HNRNPR: variants seen among roughly 807,000 people sequenced by gnomAD.
The protein encoded by HNRNPR is heterogeneous nuclear ribonucleoprotein R.
Under a neutral mutation model 70.3 loss-of-function variants are expected in HNRNPR, and 4 were observed. The ratio of observed to expected loss-of-function variants is 0.06; its 90% confidence interval spans 0.03 to 0.13. The LOEUF is 0.13. HNRNPR is among the 10% of genes least tolerant of loss of function. The pLI is 1.00. For missense variants in HNRNPR, 423 were observed against 788.5 expected (o/e 0.54, Z 5.55); for synonymous variants, 241 against 267.6 (o/e 0.90, Z 0.97).
intron 9 of HNRNPR, chr1:23,311,552 G>A (rs1039149144): frequency 1.4e-5 from 5 of 356,082 alleles, no homozygotes; most frequent in South Asian, 3.9e-5. Context: ...GAACAAAACC[G>A]ACCACCTGAT....
chr1:23,318,343 T>A lies in HNRNPR; in HGVS notation c.1017+140A>T. On this transcript the variant is annotated intron_variant, in intron 8 of 10. Transcript: ENST00000302271. The surrounding 1 kb of genome is among the most constrained non-coding windows in gnomAD (Gnocchi z 4.2). The stretch of plus-strand genomic sequence containing the variant: ...TACCAAGACAGGCTGTTAACTTTAG[T>A]GTTAAAGCCGCTCCTTGCCAAACAG... The A allele has an allele frequency of 1.5e-6, 1 of 661,952 alleles. No homozygotes were observed. Among genetic ancestry groups the A allele is most frequent in the Non-Finnish European group, 2.6e-6 (1 of 387,664 alleles). The allele number at this position is 661,952 out of a possible 1,614,324, so 41.0% of individuals were successfully genotyped here.
chr1:23,329,154 T>C (rs1646118103), intron 5 of HNRNPR, among the ~76,000 whole-genome samples: 1 of 151,986 alleles, frequency 6.6e-6, no homozygotes, highest in Admixed American at 6.6e-5. Flanking sequence ...CATCAACAAA[T>C]CTGTGGCCAA....
chr1:23,330,241 T>A (rs1646160144), intron 5 of HNRNPR, among the ~76,000 whole-genome samples: 4 of 151,804 alleles, frequency 2.6e-5, no homozygotes, highest in Admixed American at 1.3e-4. Flanking sequence ...TGGAAACGAG[T>A]ACAAACAGAA....
In HNRNPR at chr1:23,308,050, T is replaced by C. The variant is rs1447683876; in HGVS notation, c.*2404A>G. The C allele has an allele frequency of 6.6e-6, 1 of 152,074 alleles. No individual in the cohort carries two copies. The highest frequency in any genetic ancestry group is 1.5e-5 in the Non-Finnish European group (1 of 67,930). 9.4% of individuals were successfully genotyped at this position (152,074 alleles called of 1,614,324 possible). ...TTTTCTCTGAATGCTGCTACAGTGTTAATTTACAAGACATGAAAGAAGAAA... is the reference window on the plus strand; with the variant it reads ...TTTTCTCTGAATGCTGCTACAGTGTCAATTTACAAGACATGAAAGAAGAAA... On this transcript the variant is annotated 3_prime_UTR_variant, in exon 11 of 11. Transcript: ENST00000302271.
In HNRNPR at chr1:23,318,763, A is replaced by G. The variant is rs1166193806; in HGVS notation, c.812-75T>C. 11 of 1,437,108 alleles carry G rather than the reference A, an allele frequency of 7.7e-6. No individual in the cohort carries two copies. The highest frequency in any genetic ancestry group is 1.8e-4 in the Middle Eastern group (1 of 5,688). 89.0% of individuals were successfully genotyped at this position (1,437,108 alleles called of 1,614,324 possible). A position where few individuals can be genotyped will look rare whatever the true frequency, so the allele number is the denominator to read the frequency against. On this transcript the variant is annotated intron_variant, in intron 7 of 10. Transcript: ENST00000302271. The surrounding 1 kb of genome is among the most constrained non-coding windows in gnomAD (Gnocchi z 4.2). Reference sequence around the variant, plus strand: ...CTAGCGATTAGGCAGACCTAAATCCACTTGACGATGAGCAAAATATAAGTG... The same window carrying G: ...CTAGCGATTAGGCAGACCTAAATCCGCTTGACGATGAGCAAAATATAAGTG...
chr1:23,323,504 G>A (rs1645837619), intron 6 of HNRNPR, 52 bp downstream of exon 6: 1 of 1,485,370 alleles, frequency 6.7e-7, no homozygotes, highest in African/African-American at 1.4e-5. Context: ...TTGAATTAAA[G>A]TTTATTTCCT....
chr1:23,321,200 GGA>G (rs1195325978), intron 7 of HNRNPR, among the ~76,000 whole-genome samples: 1 of 143,110 alleles, frequency 7.0e-6, no homozygotes, highest in African/African-American at 2.7e-5. Context: ...AAGGCAGCAG[GGA>G]GAGAGTAAAA....
At chr1:23,337,180 A>T (rs962538403) in intron 4 of HNRNPR, among the ~76,000 whole-genome samples, 3 of 152,358 alleles carry the variant, frequency 2.0e-5, no homozygotes, top group Middle Eastern at 3.4e-3. Context: ...ACATTACTGG[A>T]TCAATCCAAG....
intron 9 of HNRNPR, among the ~76,000 whole-genome samples, chr1:23,312,724 A>C (rs909194355): frequency 1.3e-5 from 2 of 152,200 alleles, no homozygotes; most frequent in African/African-American, 4.8e-5. Flanking sequence ...AAACAAAACC[A>C]AAAAATGCTC....
At position 23,305,344 on chromosome 1, in the gene HNRNPR, A is replaced by G. The variant is rs1645187855; in HGVS notation, c.*5110T>C. On this transcript the variant is annotated 3_prime_UTR_variant, in exon 11 of 11. Coordinates refer to ENST00000302271, the MANE Select transcript of HNRNPR (RefSeq NM_005826.5). Reference sequence around the variant, plus strand: ...ACCTTAACACAACCCTGCAATCACTACAATTCTTAAAAGTATTACATAATT... The same window carrying G: ...ACCTTAACACAACCCTGCAATCACTGCAATTCTTAAAAGTATTACATAATT... 6.6e-6 allele frequency: 1 copy of G among 152,168 alleles called. No homozygotes were observed. The allele number at this position is 152,168 out of a possible 1,614,324, so 9.4% of individuals were successfully genotyped here. A position where few individuals can be genotyped will look rare whatever the true frequency, so the allele number is the denominator to read the frequency against.
intron 6 of HNRNPR, among the ~76,000 whole-genome samples, chr1:23,322,017 A>G (rs1156618130): frequency 6.6e-6 from 1 of 152,204 alleles, no homozygotes; most frequent in Non-Finnish European, 1.5e-5. Flanking sequence ...ATGTAATTGC[A>G]TATAGGTAAG....
At position 23,333,809 on chromosome 1, in the gene HNRNPR, T is replaced by C. The variant is rs188744168; in HGVS notation, c.385-178A>G. 3.9e-4 allele frequency among the ~76,000 whole-genome samples: 60 copies of C among 152,336 alleles called. 1 individual carries two copies. The East Asian group carries it at 0.011, about 27-fold the overall frequency. ...CATACATGTTTCTACTGGTGAGTCTTTTCAAATAAAATGTTCTCTATCCTT... is the reference window on the plus strand; with the variant it reads ...CATACATGTTTCTACTGGTGAGTCTCTTCAAATAAAATGTTCTCTATCCTT... On this transcript the variant is annotated intron_variant, in intron 4 of 10. Transcript: ENST00000302271.
chr1:23,324,858 T>C (rs1645901721), intron 5 of HNRNPR, among the ~76,000 whole-genome samples: 1 of 151,936 alleles, frequency 6.6e-6, no homozygotes, highest in African/African-American at 2.4e-5. Context: ...TGTTTTATGT[T>C]GGCCGGGCGC....
At chr1:23,321,774 T>C (rs936404661) in intron 6 of HNRNPR, 111 bp from the exon 7 acceptor site, 2 of 976,680 alleles carry the variant, frequency 2.0e-6, no homozygotes, top group African/African-American at 1.6e-5. Context: ...CTTCATCAAC[T>C]CACCAAGTTC....
rs1342152791 is a variant in HNRNPR at position 23,310,705 on chromosome 1, GAGC to G, written c.1648_1650del (p.Ala550del). 6.2e-7 allele frequency: 1 copy of G among 1,613,186 alleles called. No individual in the cohort carries two copies. Among genetic ancestry groups the G allele is most frequent in the Non-Finnish European group, 8.5e-7 (1 of 1,179,688 alleles). On this transcript the variant is annotated inframe_deletion, in exon 11 of 11. Transcript: ENST00000302271. The surrounding 1 kb of genome is among the most constrained non-coding windows in gnomAD (Gnocchi z 6.0). Reference sequence around the variant, plus strand: ...CGGGAACCACGGCCTCTCTGCTGTTGAGCAGGACCCCCTCTGCCACCCCTAGAG... The same window carrying G: ...CGGGAACCACGGCCTCTCTGCTGTTGAGGACCCCCTCTGCCACCCCTAGAG...
intron 7 of HNRNPR, among the ~76,000 whole-genome samples, chr1:23,320,323 G>C (rs562948257): frequency 6.6e-6 from 1 of 152,176 alleles, no homozygotes; most frequent in Non-Finnish European, 1.5e-5. Flanking sequence ...AAAGTGGGAC[G>C]CTAGAAATCA....
chr1:23,328,766 T>G (rs1037236757), intron 5 of HNRNPR, among the ~76,000 whole-genome samples: 5 of 152,146 alleles, frequency 3.3e-5, no homozygotes, highest in Admixed American at 1.3e-4. Context: ...TTCCAAAGTT[T>G]TGGGATTACA....
At chr1:23,334,474 G>A (rs1182931200) in intron 4 of HNRNPR, among the ~76,000 whole-genome samples, 1 of 152,032 alleles carries the variant, frequency 6.6e-6, no homozygotes, top group Non-Finnish European at 1.5e-5. Flanking sequence ...CTGATCTCGT[G>A]ATCCACCCGA....
intron 7 of HNRNPR, among the ~76,000 whole-genome samples, chr1:23,319,581 ACC>A (rs1448415979): frequency 2.0e-5 from 3 of 151,850 alleles, no homozygotes; most frequent in Non-Finnish European, 2.9e-5. Context: ...TTCCACTCAC[ACC>A]CCTTCTCTCC....
Sources: allele counts gnomAD v4.1 joint callset (sites outside exome capture counted in the v4.1 genomes callset), GRCh38; gene constraint gnomAD v4.1.1; non-coding constraint Gnocchi (gnomAD v3.1); transcripts MANE v1.5; gene names NCBI Gene and HGNC (gene_info 2026-07-23, HGNC 2026-07-21).